Variants in ADGRL3 observed in about 807,000 individuals in gnomAD.
ADGRL3 encodes the protein adhesion G protein-coupled receptor L3.
A neutral mutation model predicts 153.5 loss-of-function variants in ADGRL3; 62 were observed. That is an observed-to-expected ratio of 0.40 (90% CI 0.33 to 0.50). The LOEUF (loss-of-function observed/expected upper bound fraction) is 0.50, where lower values mean the gene tolerates loss of function less well. Among genes scored for constraint, ADGRL3 ranks in the 20% least tolerant of loss-of-function variants. The pLI is 0.47. For synonymous variants in ADGRL3, 710 were observed against 672.5 expected (o/e 1.06, Z -0.86); for missense variants, 1,641 against 1,859.4 (o/e 0.88, Z 2.16).
At chr4:61,597,660 GTT>G (rs1329052851) in intron 5 of ADGRL3, among the ~76,000 whole-genome samples, 2 of 135,512 alleles carry the variant, frequency 1.5e-5, no homozygotes. Flanking sequence ...GTCGTTTTTT[GTT>G]TTTTTTTTTT....
intron 1 of ADGRL3, among the ~76,000 whole-genome samples, chr4:61,285,890 C>A (rs1052698271): frequency 9.2e-5 from 14 of 151,740 alleles, no homozygotes; most frequent in African/African-American, 3.4e-4. Flanking sequence ...TTTTTTTTCC[C>A]CTCCAACTCA....
chr4:61,995,225 C>A (rs2151025918), intron 19 of ADGRL3, among the ~76,000 whole-genome samples: 1 of 151,588 alleles, frequency 6.6e-6, no homozygotes, highest in South Asian at 2.1e-4. Flanking sequence ...TTTTTTAATC[C>A]TATTGACATA....
At chr4:61,704,909 A>G (rs1316840437) in intron 6 of ADGRL3, among the ~76,000 whole-genome samples, 1 of 152,192 alleles carries the variant, frequency 6.6e-6, no homozygotes, top group African/African-American at 2.4e-5. Context: ...ATTCAGTCAC[A>G]TCTTCAGACT....
chr4:61,669,296 G>C (rs1221666049), intron 5 of ADGRL3, among the ~76,000 whole-genome samples: 1 of 151,490 alleles, frequency 6.6e-6, no homozygotes, highest in Non-Finnish European at 1.5e-5. Context: ...CATCTTTTTT[G>C]GTCTTCTAAG....
chr4:61,734,405 C>A (rs1161658558), intron 8 of ADGRL3, among the ~76,000 whole-genome samples: 4 of 152,062 alleles, frequency 2.6e-5, no homozygotes, highest in Non-Finnish European at 1.5e-5. Flanking sequence ...CTCACAGTTC[C>A]ACATGGCTAA....
At chr4:61,220,389 C>A (rs765565086) in intron 1 of ADGRL3, among the ~76,000 whole-genome samples, 3 of 152,100 alleles carry the variant, frequency 2.0e-5, no homozygotes, top group Non-Finnish European at 4.4e-5. Flanking sequence ...GAGCCTAAAC[C>A]ATGGGACTGC....
intron 6 of ADGRL3, among the ~76,000 whole-genome samples, chr4:61,711,601 C>T (rs1361893394): frequency 6.7e-6 from 1 of 150,290 alleles, no homozygotes; most frequent in Non-Finnish European, 1.5e-5. Flanking sequence ...TTGGACAGCC[C>T]GTAGTACCAG....
intron 8 of ADGRL3, among the ~76,000 whole-genome samples, chr4:61,780,623 A>G (rs1032207606): frequency 6.6e-6 from 1 of 152,238 alleles, no homozygotes; most frequent in Non-Finnish European, 1.5e-5. Context: ...CTCATAGTCT[A>G]TAACACATGA....
At chr4:61,909,031 T>C (rs2098709777) in intron 11 of ADGRL3, among the ~76,000 whole-genome samples, 1 of 152,194 alleles carries the variant, frequency 6.6e-6, no homozygotes, top group African/African-American at 2.4e-5. Context: ...CTACCCAGCA[T>C]ACTGGGAGCA....
intron 1 of ADGRL3, among the ~76,000 whole-genome samples, chr4:61,258,747 T>C (rs1211848389): frequency 1.3e-5 from 2 of 152,176 alleles, no homozygotes; most frequent in Non-Finnish European, 2.9e-5. Flanking sequence ...TTGTAGCCCC[T>C]AGAACTATAA....
intron 2 of ADGRL3, among the ~76,000 whole-genome samples, chr4:61,455,034 CAA>C (rs895095699): frequency 7.2e-5 from 11 of 152,052 alleles, no homozygotes; most frequent in Admixed American, 5.3e-4. Context: ...AGCAAAAAAA[CAA>C]AAAAACAACC....
intron 13 of ADGRL3, among the ~76,000 whole-genome samples, chr4:61,917,063 G>C (rs1486830382): frequency 6.6e-6 from 1 of 152,168 alleles, no homozygotes; most frequent in African/African-American, 2.4e-5. Flanking sequence ...AACACCGTAT[G>C]ATATAATTAT....
chr4:61,869,365 G>A (rs547242205), intron 9 of ADGRL3, among the ~76,000 whole-genome samples: 3 of 151,892 alleles, frequency 2.0e-5, no homozygotes, highest in Non-Finnish European at 2.9e-5. Context: ...TTGGGAGGCC[G>A]AGGCGGGTGG....
intron 1 of ADGRL3, among the ~76,000 whole-genome samples, chr4:61,280,314 G>T (rs1053858714): frequency 6.6e-6 from 1 of 151,338 alleles, no homozygotes; most frequent in Non-Finnish European, 1.5e-5. Flanking sequence ...TCACCATATT[G>T]GCCAGGATGG....
chr4:61,369,593 G>C (rs2096480553), intron 1 of ADGRL3, among the ~76,000 whole-genome samples: 1 of 152,230 alleles, frequency 6.6e-6, no homozygotes, highest in Admixed American at 6.5e-5. Context: ...CTTGATCATG[G>C]TGGATAAGCT....
At chr4:61,695,393 AT>A (rs1561077511) in intron 6 of ADGRL3, among the ~76,000 whole-genome samples, 1 of 152,206 alleles carries the variant, frequency 6.6e-6, no homozygotes, top group South Asian at 2.1e-4. Flanking sequence ...GACTAGGTGT[AT>A]TGTCAATGAG....
intron 6 of ADGRL3, among the ~76,000 whole-genome samples, chr4:61,689,117 C>A (rs1162339239): frequency 6.6e-6 from 1 of 152,090 alleles, no homozygotes; most frequent in Non-Finnish European, 1.5e-5. Flanking sequence ...TTCTTCAGCC[C>A]TTTTGGAGTT....
intron 2 of ADGRL3, among the ~76,000 whole-genome samples, chr4:61,412,982 T>C (rs2097104972): frequency 6.6e-6 from 1 of 152,204 alleles, no homozygotes. Context: ...AATGAATGAT[T>C]TTCAGTTGAA....
intron 2 of ADGRL3, among the ~76,000 whole-genome samples, chr4:61,414,049 T>G (rs1458366586): frequency 1.7e-4 from 26 of 152,242 alleles, no homozygotes; most frequent in Non-Finnish European, 4.4e-5. Context: ...AAGGCCTGTT[T>G]CTATTATTGA....
Sources: allele counts gnomAD v4.1 joint callset (sites outside exome capture counted in the v4.1 genomes callset), GRCh38; gene constraint gnomAD v4.1.1; transcripts MANE v1.5; gene names NCBI Gene and HGNC (gene_info 2026-07-23, HGNC 2026-07-21).